The following HDAC4 variants were observed in gnomAD, a reference collection of about 807,000 sequenced individuals.
HDAC4 encodes the protein histone deacetylase A.
A neutral mutation model predicts 135.1 loss-of-function variants in HDAC4; 16 were observed. The observed-to-expected ratio is 0.12, with a 90% CI of 0.08 to 0.18. The LOEUF (loss-of-function observed/expected upper bound fraction) is 0.18, where lower values mean the gene tolerates loss of function less well. Ranked by LOEUF, HDAC4 falls within the 10% of genes least tolerant of loss-of-function variation. The pLI, the probability that HDAC4 is intolerant of heterozygous loss-of-function variation, is 1.00. For missense variants in HDAC4, 1,143 were observed against 1,511.8 expected (o/e 0.76, Z 4.05); for synonymous variants, 685 against 653.4 (o/e 1.05, Z -0.74).
chr2:239,185,967 A>G (rs150121882), intron 4 of HDAC4, among the ~76,000 whole-genome samples: 2 of 152,264 alleles, frequency 1.3e-5, no homozygotes, highest in African/African-American at 4.8e-5. Context: ...CTGGGAGGCG[A>G]AGATTGAAGT....
Position 239,365,808 on chromosome 2 carries a change from C to G in HDAC4, c.-219-12890G>C, listed in dbSNP as rs554521624. 2.6e-5 allele frequency among the ~76,000 whole-genome samples: 4 copies of G among 151,396 alleles called. No individual in the cohort carries two copies. In the East Asian group the frequency reaches 7.8e-4, roughly 30 times the overall value. On this transcript the variant is annotated intron_variant, in intron 1 of 26. Transcript: ENST00000543185. The stretch of plus-strand genomic sequence containing the variant: ...ACAGACCAGGGTCGTCAGGGTCACA[C>G]GTGTGGCACTGGGGGACACACGCAG...
chr2:239,371,170 T>C (rs1439967609), intron 1 of HDAC4, among the ~76,000 whole-genome samples: 2 of 152,216 alleles, frequency 1.3e-5, no homozygotes, highest in Admixed American at 6.5e-5. Context: ...ACACCTGTTC[T>C]GGCCTGCACC....
At chr2:239,069,560 A>G (rs78590019) in intron 22 of HDAC4, among the ~76,000 whole-genome samples, 664 of 46,438 alleles carry the variant, frequency 0.014, 5 homozygotes, top group East Asian at 0.036. Context: ...AGTGAGTCAC[A>G]GTGCAAGCCA....
intron 1 of HDAC4, among the ~76,000 whole-genome samples, chr2:239,398,327 C>T (rs887468549): frequency 6.6e-6 from 1 of 152,216 alleles, no homozygotes; most frequent in African/African-American, 2.4e-5. Context: ...AGCATAAAGT[C>T]GCCTTTCCTT....
At chr2:239,213,451 A>T (rs1320994101) in intron 3 of HDAC4, among the ~76,000 whole-genome samples, 1 of 152,198 alleles carries the variant, frequency 6.6e-6, no homozygotes, top group East Asian at 1.9e-4. Context: ...TGAGCTCTCC[A>T]CAAGAAACTT....
At position 239,331,435 on chromosome 2, in the gene HDAC4, G is replaced by A. The variant is rs1287506651; in HGVS notation, c.22+21243C>T. On this transcript the variant is annotated intron_variant, in intron 2 of 26. Transcript: ENST00000543185. This position sits in a 1 kb window ranked among gnomAD's most constrained non-coding sequence, Gnocchi z 4.5. ...TCTGAATAAAAGTGCTATAAGAGCT[G>A]CTCAAGGCTGCAGATATATTTCAGT... Among the ~76,000 whole-genome samples the A allele has an allele frequency of 6.6e-6, 1 of 152,150 alleles. No homozygotes were observed. Among genetic ancestry groups the A allele is most frequent in the Non-Finnish European group, 1.5e-5 (1 of 68,036 alleles).
chr2:239,175,032 G>C (rs1359823316), intron 5 of HDAC4, among the ~76,000 whole-genome samples: 1 of 152,194 alleles, frequency 6.6e-6, no homozygotes, highest in African/African-American at 2.4e-5. Context: ...AGCCCTACAA[G>C]AGTAAATCCC....
At chr2:239,173,523 C>A (rs2043580581) in intron 5 of HDAC4, among the ~76,000 whole-genome samples, 1 of 152,108 alleles carries the variant, frequency 6.6e-6, no homozygotes, top group South Asian at 2.1e-4. Context: ...TAAATAGCAC[C>A]TGTCAAAAAC....
intron 6 of HDAC4, chr2:239,162,284 G>A (rs1406845060): frequency 4.4e-6 from 2 of 456,602 alleles, no homozygotes; most frequent in East Asian, 7.0e-5. Flanking sequence ...GCCCTGCCCT[G>A]GTCCAGCAGG....
rs139333488 is a variant in HDAC4 at position 239,085,041 on chromosome 2, G to GACACAC, written c.2445-805_2445-800dup. On this transcript the variant is annotated intron_variant, in intron 19 of 26. Coordinates refer to ENST00000543185, the MANE Select transcript of HDAC4 (RefSeq NM_001378414.1). ...CCACAGTTCCATACTGAGACAGACA[G>GACACAC]ACACACACACACACACACACACACA... is the stretch of plus-strand genomic sequence containing the variant. Among the ~76,000 whole-genome samples the GACACAC allele has an allele frequency of 1.5e-3, 206 of 138,888 alleles. 1 individual carries two copies. The highest frequency in any genetic ancestry group is 5.3e-3 in the African/African-American group (191 of 36,152). 91.1% of individuals were successfully genotyped at this position (138,888 alleles called of 152,430 possible). A position where few individuals can be genotyped will look rare whatever the true frequency, so the allele number is the denominator to read the frequency against.
intron 3 of HDAC4, among the ~76,000 whole-genome samples, chr2:239,197,435 T>C (rs2045466986): frequency 6.6e-6 from 1 of 152,202 alleles, no homozygotes; most frequent in Non-Finnish European, 1.5e-5. Flanking sequence ...TCACACCCAC[T>C]GCTGGGCGCC....
chr2:239,103,484 T>C (rs1039682660), intron 15 of HDAC4, among the ~76,000 whole-genome samples: 4 of 152,230 alleles, frequency 2.6e-5, no homozygotes, highest in Admixed American at 2.6e-4. Context: ...TTAGTGTTCT[T>C]TAGTTGAGCT....
intron 3 of HDAC4, among the ~76,000 whole-genome samples, chr2:239,207,880 G>T (rs2046132613): frequency 6.6e-6 from 1 of 152,126 alleles, no homozygotes; most frequent in African/African-American, 2.4e-5. Flanking sequence ...CCTTTTAAAA[G>T]AACTGGGCAA....
At chr2:239,066,468 G>GGAC (rs1452308632) in intron 24 of HDAC4, among the ~76,000 whole-genome samples, 1 of 152,240 alleles carries the variant, frequency 6.6e-6, no homozygotes, top group Non-Finnish European at 1.5e-5. Context: ...GCACCGCAGA[G>GGAC]GACCCTGAGC....
intron 2 of HDAC4, among the ~76,000 whole-genome samples, chr2:239,321,464 CAAAAAAAAAAAAAAAAA>C (rs10530231): frequency 8.9e-5 from 5 of 56,278 alleles, no homozygotes; most frequent in South Asian, 1.1e-3. Context: ...GACTCCGTCT[CAAAAAAAAAAAAAAAAA>C]AAAAAAAAAA....
At chr2:239,339,185 G>A (rs1692136198) in intron 2 of HDAC4, among the ~76,000 whole-genome samples, 1 of 152,202 alleles carries the variant, frequency 6.6e-6, no homozygotes, top group Non-Finnish European at 1.5e-5. Context: ...CGGCTGCCCT[G>A]CCCTCCCCTT....
rs1401042272 is a variant in HDAC4 at position 239,134,592 on chromosome 2, G to A, written c.1030C>T (p.Pro344Ser). 6.2e-7 allele frequency: 1 copy of A among 1,614,154 alleles called. No individual in the cohort carries two copies. Among genetic ancestry groups the A allele is most frequent in the Admixed American group, 1.7e-5 (1 of 60,014 alleles). ...VAREGSAAPL[P>S]LYTSPSLPNI... Reference sequence around the variant, plus strand: ...GGCAAGGATGGCGATGTGTAGAGGGGAAGTGGAGCGGCCGAGCCTTCTCGT... The same window carrying A: ...GGCAAGGATGGCGATGTGTAGAGGGAAAGTGGAGCGGCCGAGCCTTCTCGT... The change falls in exon 10 of 27, where the codon CCC becomes TCC. Residue 344 changes from proline (P) to serine (S), a missense_variant. Transcript: ENST00000543185.
intron 4 of HDAC4, among the ~76,000 whole-genome samples, chr2:239,179,297 G>A (rs985241153): frequency 1.2e-4 from 18 of 152,358 alleles, no homozygotes; most frequent in Admixed American, 9.1e-4. Flanking sequence ...ACCTCCGGCC[G>A]TGGACGGGTA....
At chr2:239,103,002 T>C (rs1165071090) in intron 15 of HDAC4, 106 bp from the exon 16 acceptor site, 1 of 1,385,532 alleles carries the variant, frequency 7.2e-7, no homozygotes, top group Non-Finnish European at 1.0e-6. Context: ...GAAACTTAAT[T>C]TGATACAAAA....
Sources: allele counts gnomAD v4.1 joint callset (sites outside exome capture counted in the v4.1 genomes callset), GRCh38; gene constraint gnomAD v4.1.1; non-coding constraint Gnocchi (gnomAD v3.1); transcripts MANE v1.5; gene names NCBI Gene and HGNC (gene_info 2026-07-23, HGNC 2026-07-21).